Variants in FRMPD3 observed in about 807,000 individuals in gnomAD.
The protein encoded by FRMPD3 is FERM and PDZ domain-containing protein 3.
A neutral mutation model predicts 97.9 loss-of-function variants in FRMPD3; 42 were observed. That is an observed-to-expected ratio of 0.43 (90% CI 0.34 to 0.55). The LOEUF is 0.55. Ranked by LOEUF, FRMPD3 falls within the 20% of genes least tolerant of loss-of-function variation. The pLI, the probability that FRMPD3 is intolerant of heterozygous loss-of-function variation, is 0.03. For synonymous variants in FRMPD3, 577 were observed against 581.1 expected, an observed-to-expected ratio of 0.99 and a Z score of 0.10; for missense variants, 1,303 against 1,457.7, an observed-to-expected ratio of 0.89 and a Z score of 1.73.
At chrX:107,488,023 C>G (rs929913838) in intron 1 of FRMPD3, among the ~76,000 whole-genome samples, 12 of 111,483 alleles carry the variant, frequency 1.1e-4, no homozygotes, top group Admixed American at 2.9e-4. Flanking sequence ...CCCAGTGCCT[C>G]ATTTCCCCTT....
At chrX:107,452,262 G>T (rs1453973920) in intron 1 of FRMPD3, among the ~76,000 whole-genome samples, 1 of 111,477 alleles carries the variant, frequency 9.0e-6, no homozygotes, top group Non-Finnish European at 1.9e-5. Flanking sequence ...GTGTCAGAAG[G>T]TGAGATGTAA....
rs892823844 is a variant in FRMPD3, at chrX:107,601,412, C to T, written c.3373C>T (p.Pro1125Ser). 3 of 1,190,515 alleles carry T rather than the reference C, an allele frequency of 2.5e-6. No homozygotes were observed. The highest frequency in any genetic ancestry group is 3.4e-6 in the Non-Finnish European group (3 of 886,073). Residue 1125 changes from proline to serine, a missense_variant, in exon 15 of 15, where the codon CCC (proline) becomes TCC (serine). Transcript: ENST00000683843. The stretch of plus-strand genomic sequence containing the variant: ...CAAGCTCGAAGAGACCAGCCTGGTT[C>T]CCCGAGCTACCTACCCCATGGCTCT... ...RSKLEETSLV[P>S]RATYPMALQS...
At chrX:107,536,917 C>CGGAA (rs1923263440) in intron 4 of FRMPD3, among the ~76,000 whole-genome samples, 1 of 111,348 alleles carries the variant, frequency 9.0e-6, no homozygotes, top group East Asian at 2.8e-4. Context: ...TATTGGTTGA[C>CGGAA]GGAAGGAAGG....
At chrX:107,571,951 C>T (rs1317347699) in intron 12 of FRMPD3, among the ~76,000 whole-genome samples, 1 of 112,718 alleles carries the variant, frequency 8.9e-6, no homozygotes, top group Non-Finnish European at 1.9e-5. Context: ...TACCCACCCA[C>T]GTACCACTCC....
At position 107,600,719 on chromosome X, in the gene FRMPD3, C is replaced by T. The variant is rs900285093; in HGVS notation, c.2680C>T (p.Leu894=). 10 of 1,201,003 alleles carry T rather than the reference C, an allele frequency of 8.3e-6. No individual in the cohort carries two copies. The highest frequency in any genetic ancestry group is 6.7e-5 in the Admixed American group (3 of 44,819). Residue 894 remains leucine (L), a synonymous_variant, in exon 15 of 15, where the codon CTG becomes TTG. Transcript: ENST00000683843. ...QLSEQKNLSL[L]SPVPEDKGPG... ...TAGTGAACAGAAGAATCTGAGTCTGCTGTCCCCAGTTCCTGAGGACAAAGG... is the reference window on the plus strand; with the variant it reads ...TAGTGAACAGAAGAATCTGAGTCTGTTGTCCCCAGTTCCTGAGGACAAAGG...
rs775706723 is a variant in FRMPD3 at position 107,600,832 on chromosome X, C to T, written c.2793C>T (p.Asp931=). ...AAGAGCAGGTCTCTGAGCTGAGGGA[C>T]AACCTGCCCAAGGAGGTCAGGTTGA... is the stretch of plus-strand genomic sequence containing the variant. ...LSEEQVSELR[D]NLPKEVRLSP... The change falls in exon 15 of 15, where the codon GAC becomes GAT. Residue 931 remains aspartate, a synonymous_variant. Coordinates refer to ENST00000683843, the MANE Select transcript of FRMPD3 (RefSeq NM_001388459.1). 1 of 1,209,209 alleles carries T rather than the reference C, an allele frequency of 8.3e-7. No homozygotes were observed. The highest frequency in any genetic ancestry group is 3.0e-5 in the East Asian group (1 of 33,764).
At chrX:107,596,248 C>T (rs1164184081) in intron 13 of FRMPD3, among the ~76,000 whole-genome samples, 1 of 111,932 alleles carries the variant, frequency 8.9e-6, no homozygotes, top group African/African-American at 3.2e-5. Context: ...TGAAGTCTTT[C>T]AGACCTAGGC....
intron 13 of FRMPD3, among the ~76,000 whole-genome samples, chrX:107,595,560 G>T (rs1924125812): frequency 1.8e-5 from 2 of 111,302 alleles, no homozygotes; most frequent in Non-Finnish European, 3.8e-5. Context: ...ATAGATTTCG[G>T]TTAGGTCTAG....
In FRMPD3 at chrX:107,602,005, G is replaced by T; in HGVS notation, c.3966G>T (p.Gly1322=). The change falls in exon 15 of 15, where the codon GGG becomes GGT. Residue 1322 remains glycine (G), a synonymous_variant. Coordinates refer to ENST00000683843, the MANE Select transcript of FRMPD3 (RefSeq NM_001388459.1). The part of the protein sequence containing the change: ...ATQTPVPSLR[G]RERDRVLPSQ... ...AGACACCAGTGCCCAGCCTCCGGGG[G>T]AGGGAAAGGGACAGAGTCCTCCCTA... 3 of 1,168,606 alleles carry T rather than the reference G, an allele frequency of 2.6e-6. No homozygotes were observed. Among genetic ancestry groups the T allele is most frequent in the African/African-American group, 3.5e-5 (2 of 56,421 alleles).
chrX:107,467,382 G>T, intron 1 of FRMPD3, among the ~76,000 whole-genome samples: 1 of 111,064 alleles, frequency 9.0e-6, no homozygotes, highest in Non-Finnish European at 1.9e-5. Flanking sequence ...CACTGACCAC[G>T]TTCACAGTCC....
At position 107,459,884 on chromosome X, in the gene FRMPD3, T is replaced by TACACACACACACAC. The variant is rs67324661; in HGVS notation, c.-8+9914_-8+9927dup. Among the ~76,000 whole-genome samples, 34 of 89,872 alleles carry TACACACACACACAC rather than the reference T, an allele frequency of 3.8e-4. 1 individual carries two copies. The highest frequency in any genetic ancestry group is 1.3e-3 in the African/African-American group (33 of 24,982). The allele number at this position is 89,872 out of a possible 115,157, so 78.0% of individuals were successfully genotyped here. ...GTGCGTGCGTGCACGCAAGCATACA[T>TACACACACACACAC]ACACACACACACACACACACACACA... On this transcript the variant is annotated intron_variant, in intron 1 of 14. Transcript: ENST00000683843.
Position 107,492,504 on chromosome X carries a change from G to A in FRMPD3, c.-7-34078G>A, listed in dbSNP as rs147721225. Among the ~76,000 whole-genome samples, 920 of 111,685 alleles carry A rather than the reference G, an allele frequency of 8.2e-3. 3 individuals carry two copies. The highest frequency in any genetic ancestry group is 0.023 in the African/African-American group (717 of 30,714). On this transcript the variant is annotated intron_variant, in intron 1 of 14. Coordinates refer to ENST00000683843, the MANE Select transcript of FRMPD3 (RefSeq NM_001388459.1). ...GTACCAATGAGTTTGATGAATGCTG[G>A]GTTAGATAAGCTAAACTTTACTGCA...
chrX:107,569,926 G>T (rs1021249834), intron 12 of FRMPD3, among the ~76,000 whole-genome samples: 2 of 109,900 alleles, frequency 1.8e-5, no homozygotes, highest in Non-Finnish European at 3.8e-5. Flanking sequence ...TGAGGTGGGA[G>T]GATGGCTGGA....
chrX:107,578,147 A>G (rs1419995534), intron 13 of FRMPD3, among the ~76,000 whole-genome samples: 3 of 112,151 alleles, frequency 2.7e-5, no homozygotes, highest in Non-Finnish European at 5.6e-5. Context: ...GAGAGGGAGA[A>G]AATGAAAAGG....
chrX:107,530,319 T>G (rs181194991), intron 2 of FRMPD3, 90 bp from the exon 3 acceptor site: 20 of 671,451 alleles, frequency 3.0e-5, no homozygotes, highest in Non-Finnish European at 4.7e-5. Flanking sequence ...AGCACCTGCT[T>G]CAGCTCCTAC....
chrX:107,562,976 G>A lies in FRMPD3; in HGVS notation c.1027-135G>A, dbSNP rs966556564. ...GAACCTTGCTGCTGTTTTAAGAAGG[G>A]CATCTTCACATCTCCACAGTGTCAC... is the stretch of plus-strand genomic sequence containing the variant. On this transcript the variant is annotated intron_variant, in intron 10 of 14. Transcript: ENST00000683843. 3 of 457,417 alleles carry A rather than the reference G, an allele frequency of 6.6e-6. No homozygotes were observed. The African/African-American group carries it at 7.3e-5, about 11-fold the overall frequency. The allele number at this position is 457,417 out of a possible 1,213,427, so 37.7% of individuals were successfully genotyped here.
chrX:107,526,454 G>T, intron 1 of FRMPD3, 128 bp from the exon 2 acceptor site: 1 of 469,919 alleles, frequency 2.1e-6, no homozygotes, highest in Non-Finnish European at 3.4e-6. Context: ...GGCTCCAGAG[G>T]ATGTAGGAAG....
At position 107,601,664 on chromosome X, in the gene FRMPD3, T is replaced by G; in HGVS notation, c.3625T>G (p.Ser1209Ala). Residue 1209 changes from serine to alanine, a missense_variant, in exon 15 of 15, where the codon TCA becomes GCA. Around this residue, in one of 3 missense-constraint regions of FRMPD3, gnomAD observed 764 missense variants for 820.2 expected, o/e 0.93. Transcript: ENST00000683843. ...CTCTGAAGGCCCTGCCAAACCCAAG[T>G]CATCCCGAGGTCCTTTCCGGCTACG... ...STSEGPAKPK[S>A]SRGPFRLRNL... 1 of 1,210,773 alleles carries G rather than the reference T, an allele frequency of 8.3e-7. No homozygotes were observed. Among genetic ancestry groups the G allele is most frequent in the Non-Finnish European group, 1.1e-6 (1 of 895,382 alleles).
In FRMPD3 at chrX:107,557,745, A is replaced by G. The variant is rs183057689; in HGVS notation, c.763-2512A>G. On this transcript the variant is annotated intron_variant, in intron 8 of 14. Coordinates refer to ENST00000683843, the MANE Select transcript of FRMPD3 (RefSeq NM_001388459.1). ...TGTTATAGCACCTTTTGTTGAGAAG[A>G]GTATCCTTCCTCCACTGAATTGCCT... Among the ~76,000 whole-genome samples the G allele has an allele frequency of 6.3e-3, 536 of 84,936 alleles. 1 individual carries two copies. Among genetic ancestry groups the G allele is most frequent in the Non-Finnish European group, 0.01 (445 of 43,706 alleles). The allele number at this position is 84,936 out of a possible 115,157, so 73.8% of individuals were successfully genotyped here.
Sources: gnomAD v4.1 joint callset for allele counts (sites outside exome capture counted in the v4.1 genomes callset) on GRCh38, gnomAD v4.1.1 for gene constraint, gnomAD v4.1.1 regional missense constraint, MANE v1.5 for transcripts, NCBI Gene and HGNC (gene_info 2026-07-23, HGNC 2026-07-21) for gene names.